The following ZNF599 variants were observed in gnomAD, a reference collection of about 807,000 sequenced individuals.
The protein encoded by ZNF599 is zinc finger protein 599.
Under a neutral mutation model 11.7 loss-of-function variants are expected in ZNF599, and 10 were observed. The ratio of observed to expected loss-of-function variants is 0.86; its 90% CI spans 0.53 to 1.45. The LOEUF is 1.45. Ranked by LOEUF, ZNF599 falls within the 40% of genes most tolerant of loss-of-function variation. The pLI is 0.00. For synonymous variants in ZNF599, 232 were observed against 253.2 expected, an observed-to-expected ratio of 0.92 and a Z score of 0.79; for missense variants, 688 against 713.6, an observed-to-expected ratio of 0.96 and a Z score of 0.41.
chr19:34,781,630 C>G, the ZNF599 span, among the ~76,000 whole-genome samples: 6 of 152,232 alleles, frequency 3.9e-5, no homozygotes, highest in Non-Finnish European at 8.8e-5. Flanking sequence ...TTAACAGTGC[C>G]GTGATCTTGC....
the ZNF599 span, among the ~76,000 whole-genome samples, chr19:34,799,747 C>A: frequency 1.3e-5 from 2 of 152,192 alleles, no homozygotes; most frequent in African/African-American, 2.4e-5. Flanking sequence ...CTGTCTACCC[C>A]ACAGAACCAT....
upstream of ZNF599, among the ~76,000 whole-genome samples, chr19:34,774,933 C>T (rs930264751): frequency 6.6e-6 from 1 of 152,108 alleles, no homozygotes; most frequent in African/African-American, 2.4e-5. Flanking sequence ...GATGCCATCC[C>T]CTTGGTGCTA....
the ZNF599 span, among the ~76,000 whole-genome samples, chr19:34,792,810 C>T: frequency 3.3e-5 from 5 of 151,784 alleles, 1 homozygote; most frequent in Admixed American, 2.6e-4. Context: ...TTACCGTGAG[C>T]GGAGATCGCA....
chr19:34,794,862 T>C, the ZNF599 span, among the ~76,000 whole-genome samples: 2 of 152,188 alleles, frequency 1.3e-5, no homozygotes, highest in Admixed American at 6.5e-5. Flanking sequence ...TCAATCACCA[T>C]GCCTGGCCCT....
At chr19:34,799,456 T>C in the ZNF599 span, among the ~76,000 whole-genome samples, 1 of 152,232 alleles carries the variant, frequency 6.6e-6, no homozygotes, top group Non-Finnish European at 1.5e-5. Context: ...GTTTCCTTTT[T>C]ATCCATTCAC....
Position 34,758,963 on chromosome 19 carries a change from A to T in ZNF599, c.*71T>A. 1 of 1,467,550 alleles carries T rather than the reference A, an allele frequency of 6.8e-7. No individual in the cohort carries two copies. The highest frequency in any genetic ancestry group is 2.3e-5 in the East Asian group (1 of 43,824). 90.9% of individuals were successfully genotyped at this position (1,467,550 alleles called of 1,614,324 possible). A position where few individuals can be genotyped will look rare whatever the true frequency, so the allele number is the denominator to read the frequency against. On this transcript the variant is annotated 3_prime_UTR_variant, in exon 4 of 4. Transcript: ENST00000329285. ...ATATTTCCCTCAATAGTTATACTCAAAAGGAAAGGTATGTCACCACTATGA... is the reference window on the plus strand; with the variant it reads ...ATATTTCCCTCAATAGTTATACTCATAAGGAAAGGTATGTCACCACTATGA...
the ZNF599 span, among the ~76,000 whole-genome samples, chr19:34,790,408 A>G: frequency 1.3e-5 from 2 of 152,256 alleles, no homozygotes; most frequent in African/African-American, 4.8e-5. Context: ...ATGAATACAG[A>G]AAGACAATGA....
upstream of ZNF599, among the ~76,000 whole-genome samples, chr19:34,777,501 T>G (rs182424322): frequency 1.1e-3 from 126 of 111,066 alleles, 2 homozygotes; most frequent in East Asian, 0.026. Context: ...TGATATATAT[T>G]AATATATTAT....
At chr19:34,782,371 C>A in the ZNF599 span, among the ~76,000 whole-genome samples, 1 of 147,860 alleles carries the variant, frequency 6.8e-6, no homozygotes, top group African/African-American at 2.7e-5. Flanking sequence ...AAATAGTGAT[C>A]TTCTTAGTGC....
intron 1 of ZNF599, 114 bp from the exon 2 acceptor site, chr19:34,769,669 G>A (rs2069169592): frequency 2.3e-6 from 3 of 1,301,614 alleles, no homozygotes; most frequent in Non-Finnish European, 3.2e-6. Context: ...AGCAACTCCT[G>A]AGAACCACTG....
In ZNF599 at chr19:34,772,986, C is replaced by T. The variant is rs988396586; in HGVS notation, c.-145G>A. ...ATGCACACAAGGTTCGCGGCGCCGC[C>T]TCTGCGCGCCGTGAGGACACAGGGC... On this transcript the variant is annotated 5_prime_UTR_variant, in exon 1 of 4. Transcript: ENST00000329285. The T allele has an allele frequency of 9.0e-6, 9 of 1,002,256 alleles. No homozygotes were observed. Among genetic ancestry groups the T allele is most frequent in the Non-Finnish European group, 1.2e-5 (9 of 726,570 alleles). The allele number at this position is 1,002,256 out of a possible 1,614,324, so 62.1% of individuals were successfully genotyped here.
At chr19:34,776,182 C>T (rs1262545337), upstream of ZNF599, among the ~76,000 whole-genome samples, 1 of 152,174 alleles carries the variant, frequency 6.6e-6, no homozygotes, top group African/African-American at 2.4e-5. Context: ...TTCAAAACCT[C>T]TTTGTACAAT....
the ZNF599 span, among the ~76,000 whole-genome samples, chr19:34,792,486 A>C: frequency 6.6e-6 from 1 of 152,180 alleles, no homozygotes; most frequent in African/African-American, 2.4e-5. Flanking sequence ...TTTTGGAGCT[A>C]TGATTTTTGA....
intron 2 of ZNF599, 123 bp downstream of exon 2, chr19:34,769,306 A>G (rs369759734): frequency 4.5e-6 from 6 of 1,341,822 alleles, no homozygotes; most frequent in Non-Finnish European, 6.3e-6. Context: ...TCAGACCACA[A>G]CGTGCTGAGG....
chr19:34,788,740 A>G, the ZNF599 span: 2 of 152,202 alleles, frequency 1.3e-5, no homozygotes, highest in Non-Finnish European at 2.9e-5. Context: ...TGAAGTTAAA[A>G]AGATGGAATT....
chr19:34,783,379 A>C, the ZNF599 span, among the ~76,000 whole-genome samples: 1 of 152,210 alleles, frequency 6.6e-6, no homozygotes, highest in Non-Finnish European at 1.5e-5. Flanking sequence ...GAGCAGGCTA[A>C]GGATCGAGTA....
chr19:34,807,502 C>T, the ZNF599 span, among the ~76,000 whole-genome samples: 1 of 152,200 alleles, frequency 6.6e-6, no homozygotes, highest in South Asian at 2.1e-4. Flanking sequence ...CTTCCTGTTG[C>T]CTTCGCCTCC....
chr19:34,781,166 A>G, the ZNF599 span, among the ~76,000 whole-genome samples: 1 of 151,938 alleles, frequency 6.6e-6, no homozygotes, highest in African/African-American at 2.4e-5. Context: ...AAAAAAAAAT[A>G]AAAATAAAAA....
At chr19:34,776,772 C>G (rs1471722028), upstream of ZNF599, among the ~76,000 whole-genome samples, 1 of 152,202 alleles carries the variant, frequency 6.6e-6, no homozygotes, top group Non-Finnish European at 1.5e-5. Context: ...TCTGTGACTG[C>G]CTCTGCAGAG....
Sources: gnomAD v4.1 joint callset for allele counts (sites outside exome capture counted in the v4.1 genomes callset) on GRCh38, gnomAD v4.1.1 for gene constraint, MANE v1.5 for transcripts, NCBI Gene and HGNC (gene_info 2026-07-23, HGNC 2026-07-21) for gene names.